The following ASB2 variants were observed in gnomAD, a reference collection of about 807,000 sequenced individuals.
The protein encoded by ASB2 is ankyrin repeat and SOCS box protein 2.
ASB2 carries 58 observed loss-of-function variants against 62.4 expected under a neutral mutation model. The observed-to-expected ratio is 0.93, with a 90% confidence interval of 0.75 to 1.16. The LOEUF (loss-of-function observed/expected upper bound fraction) is 1.16, where lower values mean the gene tolerates loss of function less well. Ranked by LOEUF, ASB2 falls within the 50% of genes most tolerant of loss-of-function variation. ASB2 has a pLI of 0.00. For missense variants in ASB2, 928 were observed against 887.9 expected, an observed-to-expected ratio of 1.05 and a Z score of -0.57; for synonymous variants, 386 against 385.3, an observed-to-expected ratio of 1.00 and a Z score of -0.02.
rs1465403692 is a variant in ASB2, at chr14:93,947,531, A to C, written c.881-11T>G. 6.2e-7 allele frequency: 1 copy of C among 1,612,692 alleles called. No individual in the cohort carries two copies. Among genetic ancestry groups the C allele is most frequent in the Non-Finnish European group, 8.5e-7 (1 of 1,179,606 alleles). ...TGTTGATGTCAGCACCTGGGGAAGG[A>C]GAAGAGATCAGCAAGTGGCCAAGTG... On this transcript the variant is annotated splice_polypyrimidine_tract_variant and intron_variant, in intron 6 of 9. Transcript: ENST00000555019.
At chr14:93,975,801 CA>C (rs1466022366) in intron 1 of ASB2, among the ~76,000 whole-genome samples, 1 of 152,246 alleles carries the variant, frequency 6.6e-6, no homozygotes. Flanking sequence ...CCCATCCTTT[CA>C]AAGGCCATGG....
chr14:93,968,539 G>A (rs1889661376), intron 1 of ASB2, among the ~76,000 whole-genome samples: 1 of 152,192 alleles, frequency 6.6e-6, no homozygotes, highest in Non-Finnish European at 1.5e-5. Context: ...CCAAGCAACT[G>A]ACACACACAT....
chr14:93,956,889 G>A lies in ASB2; in HGVS notation c.207-19C>T. 6.2e-7 allele frequency: 1 copy of A among 1,614,098 alleles called. No homozygotes were observed. Among genetic ancestry groups the A allele is most frequent in the East Asian group, 2.2e-5 (1 of 44,874 alleles). On this transcript the variant is annotated intron_variant, in intron 2 of 9. Coordinates refer to ENST00000555019, the MANE Select transcript of ASB2 (RefSeq NM_001202429.2). ...AGTGGACCTGGAGGGTGCAGAGCAG[G>A]AGTGAAAGAGGGAAAAGTACTCTGC...
In ASB2 at chr14:93,953,335, C is replaced by A. The variant is rs200423598; in HGVS notation, c.634+17G>T. 6.5e-7 allele frequency: 1 copy of A among 1,548,678 alleles called. No homozygotes were observed. ...GATTCTTCCGCAGGAAAGCTCACTC[C>A]GGGGTGGGGACCTCACCTTTGTAGA... On this transcript the variant is annotated intron_variant, in intron 5 of 9. Transcript: ENST00000555019.
At chr14:93,975,848 C>G (rs1889895733) in intron 1 of ASB2, among the ~76,000 whole-genome samples, 1 of 152,218 alleles carries the variant, frequency 6.6e-6, no homozygotes, top group South Asian at 2.1e-4. Context: ...CGTGTGCACA[C>G]ACATGCATGG....
At chr14:93,955,186 G>C (rs1688239069) in intron 3 of ASB2, 1 of 456,356 alleles carries the variant, frequency 2.2e-6, no homozygotes, top group Non-Finnish European at 4.4e-6. Flanking sequence ...TGCATCAATA[G>C]TCCCATTTCC....
chr14:93,969,690 A>G (rs1460647861), intron 1 of ASB2, among the ~76,000 whole-genome samples: 1 of 152,188 alleles, frequency 6.6e-6, no homozygotes, highest in African/African-American at 2.4e-5. Flanking sequence ...CCCAGCCATC[A>G]GGGAGGCTTC....
intron 7 of ASB2, chr14:93,941,615 G>A (rs1888524562): frequency 4.4e-6 from 2 of 455,916 alleles, no homozygotes; most frequent in East Asian, 1.4e-4. Context: ...GGCAGGCCTG[G>A]GCCTCACCCT....
At chr14:93,947,772 T>C (rs1311203792) in intron 6 of ASB2, among the ~76,000 whole-genome samples, 1 of 151,966 alleles carries the variant, frequency 6.6e-6, no homozygotes, top group Non-Finnish European at 1.5e-5. Flanking sequence ...GGCAGGCGGA[T>C]CACCTGAGGT....
intron 2 of ASB2, among the ~76,000 whole-genome samples, chr14:93,958,194 C>T (rs982571021): frequency 1.3e-5 from 2 of 152,254 alleles, no homozygotes; most frequent in African/African-American, 2.4e-5. Flanking sequence ...CTCCCATCCC[C>T]TGCTTCTGGC....
chr14:93,956,847 G>A lies in ASB2; in HGVS notation c.230C>T (p.Ser77Leu), dbSNP rs148173529. Reference sequence around the variant, plus strand: ...CAAGCCCATTGGGGCCCGGGCCGGCGAACTCTCAGGAGGTGCAGTGGACCT... The same window carrying A: ...CAAGCCCATTGGGGCCCGGGCCGGCAAACTCTCAGGAGGTGCAGTGGACCT... ...WTRSTAPPES[S>L]PARAPMGLFQ... Residue 77 changes from serine (S) to leucine (L), a missense_variant, in exon 3 of 10, where the codon TCG becomes TTG. By Grantham distance (145) the Ser-to-Leu change is moderately radical. Coordinates refer to ENST00000555019, the MANE Select transcript of ASB2 (RefSeq NM_001202429.2). 1.9e-4 allele frequency: 302 copies of A among 1,614,180 alleles called. 1 individual carries two copies. Among genetic ancestry groups the A allele is most frequent in the South Asian group, 7.5e-4 (68 of 91,084 alleles).
intron 5 of ASB2, 53 bp downstream of exon 5, chr14:93,953,299 C>T: frequency 6.8e-7 from 1 of 1,476,804 alleles, no homozygotes; most frequent in South Asian, 1.4e-5. Context: ...CTGTTGCTCA[C>T]CCAGCTTCTG....
chr14:93,945,928 A>G (rs930863778), intron 7 of ASB2, among the ~76,000 whole-genome samples: 1 of 152,226 alleles, frequency 6.6e-6, no homozygotes, highest in East Asian at 1.9e-4. Flanking sequence ...TGTTTCCCCA[A>G]GTGTCATCAG....
intron 2 of ASB2, among the ~76,000 whole-genome samples, chr14:93,961,505 T>C (rs941487): frequency 0.25 from 37,477 of 151,796 alleles, 6,539 homozygotes; most frequent in East Asian, 0.52. Context: ...TAAGTCAAGG[T>C]GAAGGCCACA....
At position 93,947,196 on chromosome 14, in the gene ASB2, C is replaced by G. The variant is rs562909192; in HGVS notation, c.1052+153G>C. Among the ~76,000 whole-genome samples, 68 of 152,354 alleles carry G rather than the reference C, an allele frequency of 4.5e-4. No individual in the cohort carries two copies. In the South Asian group the frequency reaches 0.013, roughly 29 times the overall value. Reference sequence around the variant, plus strand: ...TGCTAACTGCTAAGGGGTTTCCCTCCTTTCCATGGGAAAGGTGATGTCCAT... The same window carrying G: ...TGCTAACTGCTAAGGGGTTTCCCTCGTTTCCATGGGAAAGGTGATGTCCAT... On this transcript the variant is annotated intron_variant, in intron 7 of 9. Coordinates refer to ENST00000555019, the MANE Select transcript of ASB2 (RefSeq NM_001202429.2).
rs1435978144 is a variant in ASB2, at chr14:93,969,233, G to A, written c.-73-4621C>T. 5.3e-5 allele frequency among the ~76,000 whole-genome samples: 8 copies of A among 152,322 alleles called. No individual in the cohort carries two copies. The East Asian group carries it at 1.5e-3, about 29-fold the overall frequency. ...AACTCCCTGTCCCTGAACGGATGCA[G>A]TCGTAGGCTGGTGACAGCTGTCAGG... On this transcript the variant is annotated intron_variant, in intron 1 of 9. Coordinates refer to ENST00000555019, the MANE Select transcript of ASB2 (RefSeq NM_001202429.2).
At chr14:93,975,791 C>T (rs768930504) in intron 1 of ASB2, among the ~76,000 whole-genome samples, 2 of 152,248 alleles carry the variant, frequency 1.3e-5, no homozygotes, top group Non-Finnish European at 2.9e-5. Context: ...AGGCATCCCA[C>T]CCATCCTTTC....
At chr14:93,975,137 G>A (rs1889877259) in intron 1 of ASB2, among the ~76,000 whole-genome samples, 1 of 152,262 alleles carries the variant, frequency 6.6e-6, no homozygotes. Flanking sequence ...CAGGGCTGTG[G>A]CGGGGGTGCT....
At position 93,973,290 on chromosome 14, in the gene ASB2, C is replaced by T. The variant is rs76869126; in HGVS notation, c.-74+3144G>A. On this transcript the variant is annotated intron_variant, in intron 1 of 9. Coordinates refer to ENST00000555019, the MANE Select transcript of ASB2 (RefSeq NM_001202429.2). ...TGAAATGGAGCGCCTCTTGCTGATCCAAATCTTGGTGAATCTCTCCCGAAG... is the reference window on the plus strand; with the variant it reads ...TGAAATGGAGCGCCTCTTGCTGATCTAAATCTTGGTGAATCTCTCCCGAAG... 4.3e-3 allele frequency among the ~76,000 whole-genome samples: 660 copies of T among 152,282 alleles called. 9 individuals carry two copies. The highest frequency in any genetic ancestry group is 0.015 in the African/African-American group (642 of 41,542).
Sources: allele counts gnomAD v4.1 joint callset (sites outside exome capture counted in the v4.1 genomes callset), GRCh38; gene constraint gnomAD v4.1.1; transcripts MANE v1.5; gene names NCBI Gene and HGNC (gene_info 2026-07-23, HGNC 2026-07-21).